LARP4: variants seen among roughly 807,000 people sequenced by gnomAD.
LARP4 encodes La ribonucleoprotein 4.
Under a neutral mutation model 92.9 loss-of-function variants are expected in LARP4, and 29 were observed. The ratio of observed to expected loss-of-function variants is 0.31; its 90% CI spans 0.23 to 0.43. The LOEUF is 0.43. LARP4 is among the 20% of genes least tolerant of loss of function. The pLI is 1.00. For synonymous variants in LARP4, 279 were observed against 284.1 expected (o/e 0.98, Z 0.18); for missense variants, 732 against 860.0 (o/e 0.85, Z 1.86).
intron 1 of LARP4, chr12:50,402,787 G>C: frequency 2.2e-6 from 1 of 455,658 alleles, no homozygotes; most frequent in Non-Finnish European, 4.4e-6. Context: ...CGGGATGTTA[G>C]CAATTCAGGC....
At chr12:50,442,266 C>T (rs1384930153) in intron 8 of LARP4, among the ~76,000 whole-genome samples, 1 of 152,182 alleles carries the variant, frequency 6.6e-6, no homozygotes, top group Non-Finnish European at 1.5e-5. Context: ...GAAAAATATT[C>T]ACAGTACTTT....
Position 50,429,852 on chromosome 12 carries a change from T to C in LARP4, c.323-643T>C, listed in dbSNP as rs542699456. On this transcript the variant is annotated intron_variant, in intron 3 of 15. Transcript: ENST00000398473. ...TGGTGTTTCACCATGTTGGCCAGGCTGGTCTCAAACTCCTGACCTCAAGTA... is the reference window on the plus strand; with the variant it reads ...TGGTGTTTCACCATGTTGGCCAGGCCGGTCTCAAACTCCTGACCTCAAGTA... Among the ~76,000 whole-genome samples the C allele has an allele frequency of 5.9e-5, 9 of 152,242 alleles. No homozygotes were observed. The South Asian group carries it at 1.9e-3, about 32-fold the overall frequency.
intron 1 of LARP4, among the ~76,000 whole-genome samples, chr12:50,420,081 A>G (rs1251271996): frequency 6.6e-6 from 1 of 152,244 alleles, no homozygotes; most frequent in Non-Finnish European, 1.5e-5. Context: ...CATCAAGTGT[A>G]GACTATAAAA....
intron 4 of LARP4, among the ~76,000 whole-genome samples, chr12:50,431,445 C>A (rs938572117): frequency 5.9e-5 from 9 of 152,166 alleles, no homozygotes; most frequent in African/African-American, 2.2e-4. Flanking sequence ...ATCATAGAGT[C>A]ATTTTTGGCA....
intron 1 of LARP4, among the ~76,000 whole-genome samples, chr12:50,416,093 G>C (rs1055630544): frequency 1.3e-5 from 2 of 152,170 alleles, no homozygotes; most frequent in African/African-American, 4.8e-5. Flanking sequence ...GGAAGTGAAG[G>C]TTCTGTTTAT....
chr12:50,467,203 C>T lies in LARP4; in HGVS notation c.1545+83C>T, dbSNP rs551066608. On this transcript the variant is annotated intron_variant, in intron 13 of 15. Transcript: ENST00000398473. ...GTGTTGTTATTTAAAATTTTACTTG[C>T]ACTTAGTGTACATTTCTATCATAGT... 4 of 1,051,948 alleles carry T rather than the reference C, an allele frequency of 3.8e-6. No individual in the cohort carries two copies. The Admixed American group carries it at 6.9e-5, about 18-fold the overall frequency. The allele number at this position is 1,051,948 out of a possible 1,614,324, so 65.2% of individuals were successfully genotyped here.
rs148261294 is a variant in LARP4 at position 50,421,375 on chromosome 12, G to A, written c.19-6387G>A. The A allele has an allele frequency of 2.2e-3, 1,556 of 723,100 alleles. 22 individuals carry two copies. In the African/African-American group the frequency reaches 0.028, roughly 13 times the overall value. 44.8% of individuals were successfully genotyped at this position (723,100 alleles called of 1,614,324 possible). ...TGGAATGCTTTAGGCTGGGTGCAGCGGCTCACACCTGTAATCCCAGCACTT... is the reference window on the plus strand; with the variant it reads ...TGGAATGCTTTAGGCTGGGTGCAGCAGCTCACACCTGTAATCCCAGCACTT... On this transcript the variant is annotated intron_variant, in intron 1 of 15. Coordinates refer to ENST00000398473, the MANE Select transcript of LARP4 (RefSeq NM_052879.5).
intron 4 of LARP4, 46 bp from the exon 5 acceptor site, chr12:50,435,442 G>A: frequency 8.7e-7 from 1 of 1,143,160 alleles, no homozygotes; most frequent in Non-Finnish European, 1.3e-6. Context: ...CTTGTTAGAT[G>A]CTTTTTAATA....
intron 13 of LARP4, among the ~76,000 whole-genome samples, chr12:50,467,377 A>G (rs1306857655): frequency 6.7e-6 from 1 of 148,706 alleles, no homozygotes; most frequent in African/African-American, 2.5e-5. Flanking sequence ...TGCAACCTCT[A>G]CCTCCTTGGT....
chr12:50,419,097 A>C (rs1474450172), intron 1 of LARP4, among the ~76,000 whole-genome samples: 2 of 152,042 alleles, frequency 1.3e-5, no homozygotes, highest in Non-Finnish European at 2.9e-5. Context: ...ATGGTGGTTC[A>C]TGCCTGTAGT....
In LARP4 at chr12:50,475,723, C is replaced by T; in HGVS notation, c.2034C>T (p.Gly678=). Residue 678 remains glycine, a synonymous_variant, in exon 16 of 16, where the codon GGC becomes GGT. Transcript: ENST00000398473. Reference sequence around the variant, plus strand: ...CAAGGGCTAGTAAGGATTATTCTGGCTTCCGAGGCAATATAATCCCCAGGG... The same window carrying T: ...CAAGGGCTAGTAAGGATTATTCTGGTTTCCGAGGCAATATAATCCCCAGGG... ...PEARASKDYS[G]FRGNIIPRGA... is the part of the protein sequence containing the mutation. The T allele has an allele frequency of 6.2e-7, 1 of 1,614,132 alleles. No homozygotes were observed. Among genetic ancestry groups the T allele is most frequent in the Non-Finnish European group, 8.5e-7 (1 of 1,180,042 alleles).
intron 3 of LARP4, among the ~76,000 whole-genome samples, chr12:50,429,493 C>G (rs1949317368): frequency 1.3e-5 from 2 of 151,962 alleles, no homozygotes; most frequent in African/African-American, 4.8e-5. Flanking sequence ...ACCTATAATC[C>G]CAAGATCATG....
rs1373999985 is a variant in LARP4, at chr12:50,479,388, T to A, written c.*3524T>A. ...TAATATATGATGGATTTTTTCCTAATTTTTTATATTTCCTTACAATTTTGG... is the reference window on the plus strand; with the variant it reads ...TAATATATGATGGATTTTTTCCTAAATTTTTATATTTCCTTACAATTTTGG... On this transcript the variant is annotated 3_prime_UTR_variant, in exon 16 of 16. Transcript: ENST00000398473. 1 of 152,198 alleles carries A rather than the reference T, an allele frequency of 6.6e-6. No homozygotes were observed. Among genetic ancestry groups the A allele is most frequent in the Non-Finnish European group, 1.5e-5 (1 of 68,030 alleles). The allele number at this position is 152,198 out of a possible 1,614,324, so 9.4% of individuals were successfully genotyped here.
chr12:50,448,599 C>T (rs1229298178), intron 8 of LARP4, among the ~76,000 whole-genome samples: 1 of 152,124 alleles, frequency 6.6e-6, no homozygotes, highest in African/African-American at 2.4e-5. Flanking sequence ...TCTTGGCTCA[C>T]TGCAACCTCT....
At chr12:50,456,557 A>G (rs777236772) in intron 10 of LARP4, among the ~76,000 whole-genome samples, 1 of 152,172 alleles carries the variant, frequency 6.6e-6, no homozygotes, top group Non-Finnish European at 1.5e-5. Context: ...TGCAATTTTT[A>G]TATTAACCTG....
At chr12:50,457,476 G>A (rs2138492264) in intron 10 of LARP4, among the ~76,000 whole-genome samples, 1 of 152,216 alleles carries the variant, frequency 6.6e-6, no homozygotes, top group East Asian at 1.9e-4. Flanking sequence ...CAGAGTGCTG[G>A]CATTATAGGT....
chr12:50,453,691 A>G lies in LARP4; in HGVS notation c.1017+19A>G. ...ACCACTGGTAAGTGAGATCCTTACA[A>G]TAAAATATAATAATATTTTTAATTT... is the stretch of plus-strand genomic sequence containing the variant. On this transcript the variant is annotated intron_variant, in intron 9 of 15. Transcript: ENST00000398473. 7.1e-7 allele frequency: 1 copy of G among 1,403,606 alleles called. No individual in the cohort carries two copies. Among genetic ancestry groups the G allele is most frequent in the Non-Finnish European group, 9.9e-7 (1 of 1,014,940 alleles). 86.9% of individuals were successfully genotyped at this position (1,403,606 alleles called of 1,614,324 possible).
chr12:50,473,790 G>C (rs1428293095), intron 14 of LARP4, among the ~76,000 whole-genome samples: 1 of 135,028 alleles, frequency 7.4e-6, no homozygotes, highest in Non-Finnish European at 1.6e-5. Flanking sequence ...TGCTTGAACC[G>C]GGGGGTGGGG....
intron 10 of LARP4, among the ~76,000 whole-genome samples, chr12:50,455,900 A>G (rs1593293028): frequency 6.6e-6 from 1 of 152,152 alleles, no homozygotes; most frequent in African/African-American, 2.4e-5. Flanking sequence ...TACAAAAATT[A>G]GCTGGGCGTG....
Sources: allele counts gnomAD v4.1 joint callset (sites outside exome capture counted in the v4.1 genomes callset), GRCh38; gene constraint gnomAD v4.1.1; transcripts MANE v1.5; gene names NCBI Gene and HGNC (gene_info 2026-07-23, HGNC 2026-07-21).